The following ARID1A variants were observed in gnomAD, a reference collection of about 807,000 sequenced individuals.
The protein encoded by ARID1A is AT-rich interactive domain-containing protein 1A.
Under a neutral mutation model 212.6 loss-of-function variants are expected in ARID1A, and 20 were observed. The observed-to-expected ratio is 0.09, with a 90% CI of 0.07 to 0.14. The LOEUF (loss-of-function observed/expected upper bound fraction) is 0.14. Among genes scored for constraint, ARID1A ranks in the 10% least tolerant of loss-of-function variants. The pLI is 1.00. For synonymous variants in ARID1A, 1,376 were observed against 1,222.1 expected (o/e 1.13, Z -2.63); for missense variants, 2,587 against 3,059.0 (o/e 0.85, Z 3.64).
intron 4 of ARID1A, among the ~76,000 whole-genome samples, chr1:26,736,534 C>CAGGA (rs1409308920): frequency 6.7e-6 from 1 of 148,924 alleles, no homozygotes; most frequent in Admixed American, 6.8e-5. Flanking sequence ...GAGGCTGAGG[C>CAGGA]AGGAGAATTG....
At chr1:26,741,050 C>T (rs1415650665) in intron 4 of ARID1A, among the ~76,000 whole-genome samples, 2 of 152,138 alleles carry the variant, frequency 1.3e-5, no homozygotes, top group Non-Finnish European at 2.9e-5. Flanking sequence ...TGGGTAAGAC[C>T]TGAGTCTGGA....
chr1:26,778,978 G>A (rs2081163519), intron 19 of ARID1A, 45 bp from the exon 20 acceptor site: 1 of 1,490,394 alleles, frequency 6.7e-7, no homozygotes, highest in Non-Finnish European at 8.9e-7. Context: ...CTGTTCTTAG[G>A]CCACTTTTCT....
rs372335126 is a variant in ARID1A at position 26,775,121 on chromosome 1, C to G, written c.4894C>G (p.Pro1632Ala). ...GCACATAGCACCTGCCCCTGTGCAGCCCCCCATGATTCGGCGGGATATCAC... is the reference window on the plus strand; with the variant it reads ...GCACATAGCACCTGCCCCTGTGCAGGCCCCCATGATTCGGCGGGATATCAC... ...ASHIAPAPVQ[P>A]PMIRRDITFP... Residue 1632 changes from proline (P) to alanine (A), a missense_variant, in exon 18 of 20, where the codon CCC (proline) becomes GCC (alanine). Physicochemically the swap from Pro to Ala is conservative, Grantham distance 27 (BLOSUM62 -1). This residue lies in a region of ARID1A where 890 missense variants were observed against 1,098.2 expected (regional missense o/e 0.81). Coordinates refer to ENST00000324856, the MANE Select transcript of ARID1A (RefSeq NM_006015.6). 2 of 1,614,006 alleles carry G rather than the reference C, an allele frequency of 1.2e-6. No homozygotes were observed. Among genetic ancestry groups the G allele is most frequent in the South Asian group, 1.1e-5 (1 of 91,054 alleles).
At chr1:26,717,291 A>G (rs2080512683) in intron 1 of ARID1A, among the ~76,000 whole-genome samples, 1 of 152,220 alleles carries the variant, frequency 6.6e-6, no homozygotes, top group African/African-American at 2.4e-5. Flanking sequence ...GGGTGCAGAG[A>G]GAGAAGTATT....
intron 1 of ARID1A, among the ~76,000 whole-genome samples, chr1:26,701,014 G>T (rs1270399722): frequency 6.6e-6 from 1 of 152,190 alleles, no homozygotes; most frequent in East Asian, 1.9e-4. Context: ...TGTGACATGA[G>T]TAACCATGAC....
At chr1:26,749,993 A>G (rs1177253997) in intron 4 of ARID1A, among the ~76,000 whole-genome samples, 2 of 152,228 alleles carry the variant, frequency 1.3e-5, no homozygotes, top group East Asian at 3.8e-4. Context: ...TCATTGAGCA[A>G]CATTTATCAA....
intron 1 of ARID1A, among the ~76,000 whole-genome samples, chr1:26,720,438 A>G (rs2080551304): frequency 6.6e-6 from 1 of 150,384 alleles, no homozygotes; most frequent in East Asian, 1.9e-4. Flanking sequence ...GCGTCATTGC[A>G]CTCCAGCATG....
chr1:26,780,899 C>T lies in ARID1A; in HGVS notation c.*143C>T. 2.5e-6 allele frequency: 3 copies of T among 1,194,082 alleles called. No individual in the cohort carries two copies. Among genetic ancestry groups the T allele is most frequent in the Non-Finnish European group, 3.4e-6 (3 of 873,188 alleles). The allele number at this position is 1,194,082 out of a possible 1,614,324, so 74.0% of individuals were successfully genotyped here. A position where few individuals can be genotyped will look rare whatever the true frequency, so the allele number is the denominator to read the frequency against. ...CAGCTTCTCCCTTGGGAAAAAGTCT[C>T]TCCTGTTTCTCTCTCCTCCTTCCAC... On this transcript the variant is annotated 3_prime_UTR_variant, in exon 20 of 20. Transcript: ENST00000324856. This position sits in a 1 kb window ranked among gnomAD's most constrained non-coding sequence, Gnocchi z 7.2.
Position 26,772,964 on chromosome 1 carries a change from A to G in ARID1A, c.3692A>G (p.Asp1231Gly). 1 of 1,612,458 alleles carries G rather than the reference A, an allele frequency of 6.2e-7. No homozygotes were observed. The highest frequency in any genetic ancestry group is 1.1e-5 in the South Asian group (1 of 90,996). The change falls in exon 14 of 20, where the codon GAT (aspartate) becomes GGT (glycine). Residue 1231 changes from aspartate to glycine, a missense_variant. Coordinates refer to ENST00000324856, the MANE Select transcript of ARID1A (RefSeq NM_006015.6). ...MGRMSYEPNKDPYGSMRKAPG... is the reference protein window; with the variant it reads ...MGRMSYEPNKGPYGSMRKAPG... ...CGCATGTCCTATGAGCCAAATAAGG[A>G]TCCTTATGGCAGCATGAGGAAAGGT... is the stretch of plus-strand genomic sequence containing the variant.
chr1:26,758,882 A>G (rs1330470971), intron 4 of ARID1A, among the ~76,000 whole-genome samples: 1 of 152,196 alleles, frequency 6.6e-6, no homozygotes, highest in Non-Finnish European at 1.5e-5. Context: ...TAACATGGAA[A>G]GCTGGACACA....
At chr1:26,738,713 C>T (rs2080758103) in intron 4 of ARID1A, among the ~76,000 whole-genome samples, 1 of 151,740 alleles carries the variant, frequency 6.6e-6, no homozygotes, top group African/African-American at 2.4e-5. Flanking sequence ...TGTGCGCCAC[C>T]ACTCCCGGCT....
intron 1 of ARID1A, among the ~76,000 whole-genome samples, chr1:26,709,228 A>G (rs916517473): frequency 6.6e-6 from 1 of 152,162 alleles, no homozygotes; most frequent in Non-Finnish European, 1.5e-5. Flanking sequence ...TCGTTTATCA[A>G]ATACAATTCT....
At chr1:26,778,124 G>C (rs2081154240) in intron 19 of ARID1A, 1 of 151,428 alleles carries the variant, frequency 6.6e-6, no homozygotes, top group East Asian at 1.9e-4. Context: ...AGCCCGATGT[G>C]GTGGCAGGCG....
At chr1:26,699,680 A>G (rs370534201) in intron 1 of ARID1A, among the ~76,000 whole-genome samples, 1 of 152,214 alleles carries the variant, frequency 6.6e-6, no homozygotes, top group East Asian at 1.9e-4. Flanking sequence ...GTCATCCTAT[A>G]GTCTGAACCT....
At chr1:26,742,363 A>C (rs188439595) in intron 4 of ARID1A, among the ~76,000 whole-genome samples, 2 of 152,322 alleles carry the variant, frequency 1.3e-5, no homozygotes, top group East Asian at 3.9e-4. Context: ...CGCCTCAAAC[A>C]GTGAACCGTT....
intron 19 of ARID1A, among the ~76,000 whole-genome samples, chr1:26,776,740 C>T (rs551293711): frequency 5.9e-5 from 9 of 152,140 alleles, no homozygotes; most frequent in Non-Finnish European, 1.2e-4. Flanking sequence ...TAATAGTTAC[C>T]ATTTATCGTG....
chr1:26,715,190 T>G (rs2080490632), intron 1 of ARID1A, among the ~76,000 whole-genome samples: 1 of 152,126 alleles, frequency 6.6e-6, no homozygotes, highest in Non-Finnish European at 1.5e-5. Flanking sequence ...CTTTGTTTAT[T>G]TGTTTGTTTG....
intron 4 of ARID1A, among the ~76,000 whole-genome samples, chr1:26,757,231 A>G (rs977036423): frequency 6.7e-6 from 1 of 149,300 alleles, no homozygotes; most frequent in Non-Finnish European, 1.5e-5. Context: ...AAAAAAAAAA[A>G]TGCTGAGGCG....
chr1:26,700,160 G>A (rs1295549056), intron 1 of ARID1A, among the ~76,000 whole-genome samples: 2 of 152,200 alleles, frequency 1.3e-5, no homozygotes, highest in African/African-American at 2.4e-5. Flanking sequence ...AGTAGTCTAG[G>A]TGAGGGTTGT....
Sources: gnomAD v4.1 joint callset for allele counts (sites outside exome capture counted in the v4.1 genomes callset) on GRCh38, gnomAD v4.1.1 for gene constraint, gnomAD v4.1.1 regional missense constraint, Gnocchi (gnomAD v3.1) non-coding constraint, MANE v1.5 for transcripts, NCBI Gene and HGNC (gene_info 2026-07-23, HGNC 2026-07-21) for gene names.